The following MTTP variants were observed in gnomAD, a reference collection of about 807,000 sequenced individuals.
MTTP encodes microsomal triglyceride transfer protein large subunit.
A neutral mutation model predicts 90.6 loss-of-function variants in MTTP; 49 were observed. That is an observed-to-expected ratio of 0.54 (90% CI 0.43 to 0.69). The LOEUF (loss-of-function observed/expected upper bound fraction) is 0.69. MTTP is among the 30% of genes least tolerant of loss of function. The probability of loss-of-function intolerance (pLI) is 0.00; values close to 1 mark genes in which losing one functional copy is unlikely to be tolerated. For synonymous variants in MTTP, 347 were observed against 384.2 expected (o/e 0.90, Z 1.13); for missense variants, 945 against 1,067.5 (o/e 0.89, Z 1.60).
chr4:99,582,118 C>G, intron 2 of MTTP, 26 bp downstream of exon 2: 1 of 1,612,254 alleles, frequency 6.2e-7, no homozygotes, highest in Non-Finnish European at 8.5e-7. Context: ...CAGATAAATG[C>G]AAAGATTAGA....
chr4:99,567,489 A>G (rs1008490233), intron 1 of MTTP, among the ~76,000 whole-genome samples: 23 of 152,212 alleles, frequency 1.5e-4, no homozygotes, highest in African/African-American at 5.5e-4. Context: ...AAATCACTAA[A>G]AAACAGAGGA....
At chr4:99,581,343 G>A (rs1578234099) in intron 1 of MTTP, among the ~76,000 whole-genome samples, 1 of 152,140 alleles carries the variant, frequency 6.6e-6, no homozygotes, top group African/African-American at 2.4e-5. Context: ...CTAATTTAAA[G>A]TTACATATGT....
intron 6 of MTTP, 84 bp from the exon 7 acceptor site, chr4:99,594,649 T>C: frequency 6.7e-7 from 1 of 1,502,332 alleles, no homozygotes. Flanking sequence ...AATTACTATC[T>C]TGTTTGCCAA....
Position 99,608,837 on chromosome 4 carries a change from A to G in MTTP, c.1629A>G (p.Ala543=). The G allele has an allele frequency of 6.2e-7, 1 of 1,614,208 alleles. No homozygotes were observed. The highest frequency in any genetic ancestry group is 1.7e-5 in the Admixed American group (1 of 60,026). Residue 543 remains alanine (A), a synonymous_variant, in exon 12 of 18, where the codon GCA becomes GCG. Transcript: ENST00000265517. The part of the protein sequence containing the change: ...KVHEKTVRTA[A]AAIILNNNPS... ...ATGAAAAGACTGTGCGCACTGCTGC[A>G]GCTGCTATCATTTTAAATAACAATC...
At chr4:99,583,017 G>C (rs1052227694) in intron 2 of MTTP, among the ~76,000 whole-genome samples, 23 of 152,002 alleles carry the variant, frequency 1.5e-4, no homozygotes, top group African/African-American at 5.6e-4. Context: ...ATAGGGCAGG[G>C]GTCCTTTCCA....
chr4:99,606,561 AAAAG>A (rs1321238043), intron 10 of MTTP, among the ~76,000 whole-genome samples, 183 bp from the exon 11 acceptor site: 4 of 152,342 alleles, frequency 2.6e-5, no homozygotes, highest in Non-Finnish European at 5.9e-5. Context: ...TTTTTTTAAA[AAAAG>A]CATAACACCT....
chr4:99,583,618 T>C (rs527938753), intron 3 of MTTP, 101 bp downstream of exon 3: 7 of 1,381,280 alleles, frequency 5.1e-6, no homozygotes, highest in East Asian at 2.3e-5. Flanking sequence ...ACTACTTTTA[T>C]GGTAAATGGA....
At chr4:99,583,620 G>A (rs778672840) in intron 3 of MTTP, 103 bp downstream of exon 3, 1 of 1,371,758 alleles carries the variant, frequency 7.3e-7, no homozygotes, top group Non-Finnish European at 1.0e-6. Flanking sequence ...TACTTTTATG[G>A]TAAATGGAAT....
At chr4:99,580,058 TAAAG>T (rs1182949950) in intron 1 of MTTP, among the ~76,000 whole-genome samples, 2 of 134,386 alleles carry the variant, frequency 1.5e-5, no homozygotes, top group Non-Finnish European at 3.2e-5. Flanking sequence ...AAAAAAAAAG[TAAAG>T]AAAGAAGAAG....
chr4:99,609,272 G>A (rs572562205), intron 12 of MTTP, among the ~76,000 whole-genome samples: 1 of 152,230 alleles, frequency 6.6e-6, no homozygotes, highest in South Asian at 2.1e-4. Flanking sequence ...TTTTCAACAG[G>A]ATTTTAAAAA....
intron 1 of MTTP, among the ~76,000 whole-genome samples, chr4:99,564,978 C>A (rs1484500824): frequency 6.6e-6 from 1 of 152,190 alleles, no homozygotes; most frequent in Non-Finnish European, 1.5e-5. Context: ...GTGAGTCCCT[C>A]TTCTGTTTCT....
intron 1 of MTTP, among the ~76,000 whole-genome samples, chr4:99,581,432 T>C (rs544246644): frequency 6.6e-6 from 1 of 152,332 alleles, no homozygotes; most frequent in South Asian, 2.1e-4. Context: ...AGATGTTTCT[T>C]AAATATCAAA....
At chr4:99,599,427 A>G (rs72908716) in intron 8 of MTTP, among the ~76,000 whole-genome samples, 25,803 of 152,170 alleles carry the variant, frequency 0.17, 2,728 homozygotes, top group East Asian at 0.44. Context: ...TTTACCAGCT[A>G]TATGACCTTG....
intron 1 of MTTP, among the ~76,000 whole-genome samples, chr4:99,568,271 A>T (rs948962641): frequency 6.6e-6 from 1 of 152,084 alleles, no homozygotes; most frequent in Admixed American, 6.5e-5. Flanking sequence ...AAACATACCA[A>T]AAAAAGACGC....
Position 99,581,889 on chromosome 4 carries a change from CATT to C in MTTP, c.62-13_62-11del. The C allele has an allele frequency of 6.2e-7, 1 of 1,613,584 alleles. No homozygotes were observed. The highest frequency in any genetic ancestry group is 8.5e-7 in the Non-Finnish European group (1 of 1,179,522). ...CTTACAATGAAAACTGGATATGTGT[CATT>C]ATCTTTATGCAGGTCACACAACTGG... On this transcript the variant is annotated splice_polypyrimidine_tract_variant and intron_variant, in intron 1 of 17. Transcript: ENST00000265517.
intron 1 of MTTP, among the ~76,000 whole-genome samples, chr4:99,566,307 A>AAG (rs1407282716): frequency 2.0e-5 from 3 of 151,770 alleles, no homozygotes; most frequent in South Asian, 4.2e-4. Flanking sequence ...GAAAAAAAAA[A>AAG]AAAAAAAGAA....
At chr4:99,582,975 G>A (rs1485561965) in intron 2 of MTTP, among the ~76,000 whole-genome samples, 2 of 152,022 alleles carry the variant, frequency 1.3e-5, no homozygotes, top group African/African-American at 2.4e-5. Flanking sequence ...TCAGTAATTA[G>A]ACTTTATTTT....
chr4:99,591,672 G>T lies in MTTP; in HGVS notation c.640G>T (p.Ala214Ser), dbSNP rs1560617684. 7 of 1,612,842 alleles carry T rather than the reference G, an allele frequency of 4.3e-6. No homozygotes were observed. The highest frequency in any genetic ancestry group is 1.7e-4 in the Middle Eastern group (1 of 6,042). Residue 214 changes from alanine to serine, a missense_variant, in exon 6 of 18, where the codon GCT becomes TCT. Coordinates refer to ENST00000265517, the MANE Select transcript of MTTP (RefSeq NM_001386140.1). ...PNQVLGVSSK[A>S]TSVTTYKIED... is the part of the protein sequence containing the mutation. ...TTAGGTCTTGGGTGTCAGTTCAAAA[G>T]CTACATCTGTCACCACCTATAAGAT...
In MTTP at chr4:99,622,835, G is replaced by C; in HGVS notation, c.2672G>C (p.Ser891Thr). The stretch of plus-strand genomic sequence containing the variant: ...GCCCCTCAGCCGGATAGTACTTCCA[G>C]CGGATGGTTTTGAAACTGACCTGTG... ...VFAPQPDSTS[S>T]GWF Residue 891 changes from serine to threonine, a missense_variant, in exon 18 of 18, where the codon AGC becomes ACC. Physicochemically the swap from Ser to Thr is moderately conservative, Grantham distance 58. Transcript: ENST00000265517. 6.2e-7 allele frequency: 1 copy of C among 1,614,106 alleles called. No individual in the cohort carries two copies. The highest frequency in any genetic ancestry group is 8.5e-7 in the Non-Finnish European group (1 of 1,179,974).
Sources: allele counts gnomAD v4.1 joint callset (sites outside exome capture counted in the v4.1 genomes callset), GRCh38; gene constraint gnomAD v4.1.1; transcripts MANE v1.5; gene names NCBI Gene and HGNC (gene_info 2026-07-23, HGNC 2026-07-21).